KLRF1: variants seen among roughly 807,000 people sequenced by gnomAD.
The protein encoded by KLRF1 is killer cell lectin-like receptor subfamily F member 1.
Under a neutral mutation model 30.7 loss-of-function variants are expected in KLRF1, and 27 were observed. The observed-to-expected ratio is 0.88, with a 90% CI of 0.65 to 1.21. The LOEUF is 1.21. KLRF1 is among the 50% of genes most tolerant of loss of function. The pLI, the probability that KLRF1 is intolerant of heterozygous loss-of-function variation, is 0.00. For synonymous variants in KLRF1, 92 were observed against 89.3 expected (o/e 1.03, Z -0.17); for missense variants, 246 against 259.3 (o/e 0.95, Z 0.35).
the KLRF1 span, among the ~76,000 whole-genome samples, chr12:9,818,458 C>G: frequency 1.2e-4 from 19 of 152,132 alleles, no homozygotes; most frequent in Admixed American, 2.6e-4. Context: ...TGTAAAATGT[C>G]AAATACAATA....
intron 1 of KLRF1, among the ~76,000 whole-genome samples, chr12:9,832,105 G>A (rs1200563412): frequency 6.6e-6 from 1 of 152,150 alleles, no homozygotes. Flanking sequence ...GATTTGATAT[G>A]ACACGTATCA....
At position 9,844,415 on chromosome 12, in the gene KLRF1, T is replaced by C. The variant is rs747219027; in HGVS notation, c.588-3T>C. On this transcript the variant is annotated splice_polypyrimidine_tract_variant and splice_region_variant and intron_variant, in intron 5 of 5. Coordinates refer to ENST00000617889, the MANE Select transcript of KLRF1 (RefSeq NM_016523.3). Reference sequence around the variant, plus strand: ...AACAAAGTATTTATTCTCTCTTCCCTAGATTCTTCATAAAGGGACCAGCTA... The same window carrying C: ...AACAAAGTATTTATTCTCTCTTCCCCAGATTCTTCATAAAGGGACCAGCTA... 2.0e-6 allele frequency: 3 copies of C among 1,524,178 alleles called. No individual in the cohort carries two copies. The Admixed American group carries it at 5.0e-5, about 26-fold the overall frequency. 94.4% of individuals were successfully genotyped at this position (1,524,178 alleles called of 1,614,324 possible).
intron 3 of KLRF1, among the ~76,000 whole-genome samples, chr12:9,838,276 G>T (rs752231984): frequency 2.0e-4 from 31 of 152,186 alleles, no homozygotes; most frequent in African/African-American, 7.2e-4. Context: ...GACTGGCTCT[G>T]ACTGACTTTT....
chr12:9,816,164 A>G, the KLRF1 span, among the ~76,000 whole-genome samples: 3 of 152,206 alleles, frequency 2.0e-5, no homozygotes, highest in Admixed American at 1.3e-4. Flanking sequence ...GCGGAGCCCA[A>G]CGTGCAACAA....
At chr12:9,833,552 A>G in intron 3 of KLRF1, 100 bp downstream of exon 3, 1 of 1,048,816 alleles carries the variant, frequency 9.5e-7, no homozygotes, top group Non-Finnish European at 1.3e-6. Context: ...AGTAACAAGT[A>G]AAAGTTTGGT....
intron 1 of KLRF1, among the ~76,000 whole-genome samples, chr12:9,829,656 G>A (rs1317715108): frequency 6.6e-6 from 1 of 152,122 alleles, no homozygotes; most frequent in Non-Finnish European, 1.5e-5. Flanking sequence ...GCTACACAGG[G>A]TGCTCAGGAG....
At chr12:9,806,043 T>C in the KLRF1 span, among the ~76,000 whole-genome samples, 1 of 151,950 alleles carries the variant, frequency 6.6e-6, no homozygotes, top group Admixed American at 6.6e-5. Context: ...AATCTTTCTT[T>C]TTCCCTTCTT....
At chr12:9,827,164 T>C (rs751204767), upstream of KLRF1, among the ~76,000 whole-genome samples, 1 of 152,324 alleles carries the variant, frequency 6.6e-6, no homozygotes, top group Admixed American at 6.5e-5. Context: ...ATTCAAATGA[T>C]ATAAATATTT....
rs374232052 is a variant in KLRF1 at position 9,837,309 on chromosome 12, T to C, written c.334+3857T>C. 2.6e-5 allele frequency among the ~76,000 whole-genome samples: 4 copies of C among 152,010 alleles called. No homozygotes were observed. The East Asian group carries it at 7.7e-4, about 29-fold the overall frequency. ...GGTGAATAATAGTCCATTGTGCATG[T>C]ATATCTATAAATATAGATACATATA... On this transcript the variant is annotated intron_variant, in intron 3 of 5. Transcript: ENST00000617889.
rs1422093421 is a variant in KLRF1, at chr12:9,833,350, G to A, written c.232G>A (p.Ala78Thr). 3 of 1,607,882 alleles carry A rather than the reference G, an allele frequency of 1.9e-6. No homozygotes were observed. In the Admixed American group the frequency reaches 5.1e-5, roughly 27 times the overall value. The change falls in exon 3 of 6, where the codon GCC (alanine) becomes ACC (threonine). Residue 78 changes from alanine to threonine, a missense_variant. Coordinates refer to ENST00000617889, the MANE Select transcript of KLRF1 (RefSeq NM_016523.3). Reference sequence around the variant, plus strand: ...ATGCCAAAAAGGAAGTTGTTCAAATGCCACTCAGTATGAGGACACTGGAGA... The same window carrying A: ...ATGCCAAAAAGGAAGTTGTTCAAATACCACTCAGTATGAGGACACTGGAGA... ...LKCQKGSCSN[A>T]TQYEDTGDLK...
chr12:9,827,116 A>G (rs1402243400), upstream of KLRF1, among the ~76,000 whole-genome samples: 2 of 152,248 alleles, frequency 1.3e-5, no homozygotes, highest in Non-Finnish European at 2.9e-5. Context: ...TGGCAATTGC[A>G]AATTATTAAA....
chr12:9,812,681 CA>C, the KLRF1 span, among the ~76,000 whole-genome samples: 5 of 152,270 alleles, frequency 3.3e-5, no homozygotes, highest in East Asian at 7.7e-4. Context: ...ATTTTACCCA[CA>C]GGGAGTCTGT....
intron 3 of KLRF1, among the ~76,000 whole-genome samples, chr12:9,835,361 C>T (rs919769719): frequency 1.6e-4 from 25 of 151,992 alleles, no homozygotes; most frequent in African/African-American, 4.3e-4. Flanking sequence ...GCGGCAGCCA[C>T]CAGAGGTTGT....
intron 5 of KLRF1, among the ~76,000 whole-genome samples, chr12:9,844,002 G>A (rs1867759084): frequency 6.6e-6 from 1 of 152,058 alleles, no homozygotes. Flanking sequence ...TGTGTATTGA[G>A]TTCTTTACAA....
Position 9,833,432 on chromosome 12 carries a change from C to T in KLRF1, c.314C>T (p.Ser105Leu), listed in dbSNP as rs747792787. ...RNISNKDLCA[S>L]RSADQTVLCQ... ...ATAAGTAATAAGGACCTTTGTGCTT[C>T]GAGATCTGCAGACCAGACAGGTATG... Residue 105 changes from serine (S) to leucine (L), a missense_variant, in exon 3 of 6, where the codon TCG becomes TTG. Transcript: ENST00000617889. 1.4e-5 allele frequency: 23 copies of T among 1,608,228 alleles called. No individual in the cohort carries two copies. In the South Asian group the frequency reaches 1.9e-4, roughly 13 times the overall value.
chr12:9,811,475 C>G, the KLRF1 span, among the ~76,000 whole-genome samples: 1 of 152,054 alleles, frequency 6.6e-6, no homozygotes, highest in African/African-American at 2.4e-5. Flanking sequence ...GAAAGAGATA[C>G]TAGAGAGGGA....
chr12:9,807,999 T>C, the KLRF1 span, among the ~76,000 whole-genome samples: 3 of 152,126 alleles, frequency 2.0e-5, no homozygotes, highest in Non-Finnish European at 4.4e-5. Context: ...CAATTTCTTA[T>C]TAGGAACTGG....
intron 3 of KLRF1, among the ~76,000 whole-genome samples, chr12:9,836,452 T>C (rs1362734562): frequency 6.6e-6 from 1 of 152,084 alleles, no homozygotes; most frequent in African/African-American, 2.4e-5. Context: ...TTAGAGTGGA[T>C]AGGTGATCTT....
In KLRF1 at chr12:9,833,537, A is replaced by G. The variant is rs772536087; in HGVS notation, c.334+85A>G. 22 of 1,159,834 alleles carry G rather than the reference A, an allele frequency of 1.9e-5. No individual in the cohort carries two copies. The East Asian group carries it at 6.2e-4, about 33-fold the overall frequency. 71.8% of individuals were successfully genotyped at this position (1,159,834 alleles called of 1,614,324 possible). On this transcript the variant is annotated intron_variant, in intron 3 of 5. Transcript: ENST00000617889. The stretch of plus-strand genomic sequence containing the variant: ...GTATTTTTGAACAGGTATGCAATAG[A>G]TTAAAGTAACAAGTAAAAGTTTGGT...
Sources: gnomAD v4.1 joint callset for allele counts (sites outside exome capture counted in the v4.1 genomes callset) on GRCh38, gnomAD v4.1.1 for gene constraint, MANE v1.5 for transcripts, NCBI Gene and HGNC (gene_info 2026-07-23, HGNC 2026-07-21) for gene names.